TRMT9B: variants seen among roughly 807,000 people sequenced by gnomAD.
TRMT9B encodes the protein tRNA methyltransferase 9B (putative).
In TRMT9B, 16 loss-of-function variants were observed where a neutral mutation model predicts 11.5. The observed-to-expected ratio is 1.39, with a 90% CI of 0.94 to 2.11. TRMT9B has a LOEUF of 2.11. Among genes scored for constraint, TRMT9B ranks in the 30% most tolerant of loss-of-function variants. The pLI, the probability that TRMT9B is intolerant of heterozygous loss-of-function variation, is 0.00. For synonymous variants in TRMT9B, 274 were observed against 192.4 expected, an observed-to-expected ratio of 1.42 and a Z score of -3.51; for missense variants, 941 against 553.8, an observed-to-expected ratio of 1.70 and a Z score of -7.02.
Position 13,021,906 on chromosome 8 carries a change from G to A in TRMT9B, c.1227G>A (p.Met409Ile). ...ATGTTTTGGACTCCACAGCCTTTAT[G>A]CGCTACTACCATGTGTTTCGAGAAG... ...QTDVLDSTAF[M>I]RYYHVFREGE... is the part of the protein sequence containing the mutation. The change falls in exon 5 of 5, where the codon ATG (methionine) becomes ATA (isoleucine). Residue 409 changes from methionine (M) to isoleucine (I), a missense_variant. Coordinates refer to ENST00000524591, the MANE Select transcript of TRMT9B (RefSeq NM_020844.3). 3.1e-6 allele frequency: 5 copies of A among 1,613,772 alleles called. No homozygotes were observed. The highest frequency in any genetic ancestry group is 4.2e-6 in the Non-Finnish European group (5 of 1,179,874).
At chr8:12,959,752 C>A (rs920749479) in intron 1 of TRMT9B, among the ~76,000 whole-genome samples, 6 of 152,044 alleles carry the variant, frequency 3.9e-5, no homozygotes, top group African/African-American at 1.2e-4. Flanking sequence ...TGGTCTTGAA[C>A]TCCTAGGCTC....
Position 13,021,818 on chromosome 8 carries a change from C to G in TRMT9B, c.1139C>G (p.Ser380Cys). 3 of 1,613,716 alleles carry G rather than the reference C, an allele frequency of 1.9e-6. No individual in the cohort carries two copies. The highest frequency in any genetic ancestry group is 2.5e-6 in the Non-Finnish European group (3 of 1,179,740). Reference protein sequence around the residue: ...PSASKILRRISAVDSTDFNPD... With the variant: ...PSASKILRRICAVDSTDFNPD... ...GCTAGTAAAATATTGAGAAGGATTT[C>G]TGCAGTTGATTCCACAGATTTCAAC... The change falls in exon 5 of 5, where the codon TCT (serine) becomes TGT (cysteine). Residue 380 changes from serine (S) to cysteine (C), a missense_variant. Coordinates refer to ENST00000524591, the MANE Select transcript of TRMT9B (RefSeq NM_020844.3).
chr8:12,982,542 A>G (rs2128873850), intron 1 of TRMT9B, among the ~76,000 whole-genome samples: 1 of 152,212 alleles, frequency 6.6e-6, no homozygotes, highest in African/African-American at 2.4e-5. Context: ...CATGCTTGTA[A>G]TCGCAGCTAC....
chr8:12,994,872 G>T (rs1045332733), intron 2 of TRMT9B, among the ~76,000 whole-genome samples: 20 of 152,118 alleles, frequency 1.3e-4, no homozygotes, highest in African/African-American at 3.4e-4. Context: ...AGTAGAGACG[G>T]GGTTTCTCCA....
rs779831498 is a variant in TRMT9B, at chr8:13,021,899, C to G, written c.1220C>G (p.Ala407Gly). 3 of 1,613,768 alleles carry G rather than the reference C, an allele frequency of 1.9e-6. No homozygotes were observed. The South Asian group carries it at 3.3e-5, about 18-fold the overall frequency. ...CAGACTGATGTTTTGGACTCCACAG[C>G]CTTTATGCGCTACTACCATGTGTTT... ...DPQTDVLDST[A>G]FMRYYHVFRE... is the part of the protein sequence containing the mutation. Residue 407 changes from alanine to glycine, a missense_variant, in exon 5 of 5, where the codon GCC becomes GGC. Physicochemically the swap from Ala to Gly is moderately conservative, Grantham distance 60. Transcript: ENST00000524591.
intron 3 of TRMT9B, among the ~76,000 whole-genome samples, chr8:13,009,772 A>G (rs560479001): frequency 1.9e-4 from 29 of 152,206 alleles, no homozygotes; most frequent in Non-Finnish European, 3.7e-4. Context: ...CTAGCATTCT[A>G]TGCTAATAGT....
intron 4 of TRMT9B, among the ~76,000 whole-genome samples, chr8:13,020,401 G>T (rs541952631): frequency 2.6e-5 from 4 of 152,172 alleles, no homozygotes; most frequent in Admixed American, 6.5e-5. Flanking sequence ...GCAGGAATTG[G>T]AAGTAAAATG....
At chr8:12,962,525 C>G (rs1000963949) in intron 1 of TRMT9B, among the ~76,000 whole-genome samples, 2 of 152,082 alleles carry the variant, frequency 1.3e-5, no homozygotes, top group Non-Finnish European at 2.9e-5. Flanking sequence ...GGGTTCCCCT[C>G]TATCACCCAG....
intron 1 of TRMT9B, among the ~76,000 whole-genome samples, chr8:12,970,711 C>G (rs748924431): frequency 6.6e-6 from 1 of 152,168 alleles, no homozygotes; most frequent in Non-Finnish European, 1.5e-5. Context: ...CAGAAAATCA[C>G]AATTTTATTT....
chr8:12,971,136 G>A (rs1803557045), intron 1 of TRMT9B, among the ~76,000 whole-genome samples: 1 of 152,122 alleles, frequency 6.6e-6, no homozygotes, highest in African/African-American at 2.4e-5. Context: ...TGCAGTTCTT[G>A]TAGCTATTTT....
chr8:13,011,797 G>C, intron 3 of TRMT9B: 1 of 956,476 alleles, frequency 1.0e-6, no homozygotes, highest in African/African-American at 1.8e-5. Context: ...GACCCATAGA[G>C]ATCATTTTAA....
intron 1 of TRMT9B, among the ~76,000 whole-genome samples, chr8:12,968,287 G>C (rs1247242337): frequency 2.6e-5 from 4 of 152,214 alleles, no homozygotes; most frequent in African/African-American, 9.6e-5. Context: ...CATGTGGCCT[G>C]TGTGATGGGG....
rs550924607 is a variant in TRMT9B, at chr8:12,962,869, A to G, written c.-200+16903A>G. Among the ~76,000 whole-genome samples the G allele has an allele frequency of 6.6e-5, 10 of 152,262 alleles. No individual in the cohort carries two copies. In the South Asian group the frequency reaches 2.1e-3, roughly 32 times the overall value. ...AAAAGCAGAACCTACTAGAAATCCT[A>G]CCACTGGCACAGCTAACAGCTGACT... On this transcript the variant is annotated intron_variant, in intron 1 of 4. Coordinates refer to ENST00000524591, the MANE Select transcript of TRMT9B (RefSeq NM_020844.3).
intron 1 of TRMT9B, chr8:12,952,832 C>T (rs1402312353): frequency 9.3e-6 from 2 of 215,734 alleles, no homozygotes; most frequent in African/African-American, 2.4e-5. Flanking sequence ...CTCCGCCTCC[C>T]GGGTTCAAGC....
chr8:12,977,259 T>A (rs7830329), intron 1 of TRMT9B, among the ~76,000 whole-genome samples: 2 of 151,886 alleles, frequency 1.3e-5, no homozygotes, highest in Non-Finnish European at 2.9e-5. Context: ...GATGGAGCAC[T>A]CAGCAGTGCC....
chr8:12,959,616 C>G (rs1277865491), intron 1 of TRMT9B, among the ~76,000 whole-genome samples: 4 of 144,794 alleles, frequency 2.8e-5, no homozygotes, highest in African/African-American at 1.0e-4. Context: ...ACCTCCTGGG[C>G]TCAAATGATC....
intron 4 of TRMT9B, among the ~76,000 whole-genome samples, chr8:13,013,244 G>A (rs941562339): frequency 2.6e-5 from 4 of 152,132 alleles, no homozygotes; most frequent in African/African-American, 9.7e-5. Context: ...CAAAATAGTG[G>A]CCTTTGTTAA....
At chr8:12,960,619 T>C (rs909902853) in intron 1 of TRMT9B, 4 of 152,208 alleles carry the variant, frequency 2.6e-5, no homozygotes, top group African/African-American at 9.7e-5. Flanking sequence ...TGGAATATTA[T>C]TTAGTGATTA....
intron 1 of TRMT9B, among the ~76,000 whole-genome samples, chr8:12,957,793 C>A (rs1000151298): frequency 1.3e-4 from 20 of 152,284 alleles, no homozygotes; most frequent in African/African-American, 4.6e-4. Flanking sequence ...TTGTATTTTG[C>A]ATAGAATGAA....
Sources: allele counts gnomAD v4.1 joint callset (sites outside exome capture counted in the v4.1 genomes callset), GRCh38; gene constraint gnomAD v4.1.1; transcripts MANE v1.5; gene names NCBI Gene and HGNC (gene_info 2026-07-23, HGNC 2026-07-21).